The following OSBPL10 variants were observed in gnomAD, a reference collection of about 807,000 sequenced individuals.
OSBPL10 encodes the protein oxysterol-binding protein-related protein 10.
Under a neutral mutation model 81.7 loss-of-function variants are expected in OSBPL10, and 49 were observed. That is an observed-to-expected ratio of 0.60 (90% CI 0.48 to 0.76). The LOEUF is 0.76. Ranked by LOEUF, OSBPL10 falls within the 30% of genes least tolerant of loss-of-function variation. The probability of loss-of-function intolerance (pLI) is 0.00; values close to 1 mark genes in which losing one functional copy is unlikely to be tolerated. For synonymous variants in OSBPL10, 419 were observed against 383.6 expected, an observed-to-expected ratio of 1.09 and a Z score of -1.08; for missense variants, 923 against 987.8, an observed-to-expected ratio of 0.93 and a Z score of 0.88.
At chr3:31,787,244 TA>T (rs1277712812) in intron 4 of OSBPL10, among the ~76,000 whole-genome samples, 2 of 151,998 alleles carry the variant, frequency 1.3e-5, no homozygotes, top group Admixed American at 6.6e-5. Flanking sequence ...GCTTCAGGGG[TA>T]TTTGTGGATT....
chr3:31,735,098 C>G (rs1184267490), intron 5 of OSBPL10, among the ~76,000 whole-genome samples: 2 of 151,838 alleles, frequency 1.3e-5, no homozygotes, highest in East Asian at 3.9e-4. Context: ...TGCAAAAATC[C>G]TTTTTTAATG....
chr3:32,001,236 C>T (rs1699141712), intron 2 of OSBPL10, among the ~76,000 whole-genome samples: 1 of 152,166 alleles, frequency 6.6e-6, no homozygotes, highest in Non-Finnish European at 1.5e-5. Context: ...ATTCATTCAG[C>T]CTGGATGTGT....
At chr3:31,905,181 A>G (rs11712058) in intron 1 of OSBPL10, among the ~76,000 whole-genome samples, 29,513 of 151,910 alleles carry the variant, frequency 0.19, 3,051 homozygotes, top group Non-Finnish European at 0.24. Context: ...TTGCCTACAT[A>G]GAAAGCTTAA....
At chr3:31,840,918 T>C (rs1340207954) in intron 3 of OSBPL10, among the ~76,000 whole-genome samples, 3 of 152,236 alleles carry the variant, frequency 2.0e-5, no homozygotes, top group Admixed American at 1.3e-4. Context: ...TGTTGTTTTG[T>C]TGTTTTTGAG....
At chr3:32,040,521 C>T (rs1699565464) in intron 2 of OSBPL10, among the ~76,000 whole-genome samples, 1 of 151,670 alleles carries the variant, frequency 6.6e-6, no homozygotes, top group Non-Finnish European at 1.5e-5. Flanking sequence ...TTCTTTGCAG[C>T]TGGCCTGGCA....
chr3:31,827,907 G>T (rs1169802115), intron 4 of OSBPL10, among the ~76,000 whole-genome samples: 1 of 152,042 alleles, frequency 6.6e-6, no homozygotes, highest in East Asian at 1.9e-4. Flanking sequence ...TTTAAATGAA[G>T]GTAGAAAACA....
At chr3:31,978,770 C>G (rs968512066) in intron 1 of OSBPL10, among the ~76,000 whole-genome samples, 1 of 152,162 alleles carries the variant, frequency 6.6e-6, no homozygotes, top group Admixed American at 6.5e-5. Context: ...TAAGCATGCT[C>G]AGGAGTGTAC....
intron 5 of OSBPL10, among the ~76,000 whole-genome samples, chr3:31,735,822 G>A (rs1293881467): frequency 1.3e-5 from 2 of 151,966 alleles, no homozygotes; most frequent in Non-Finnish European, 2.9e-5. Flanking sequence ...TGTCTTCCTG[G>A]GACTTAGCAC....
chr3:31,677,809 C>T (rs920754296), intron 8 of OSBPL10, among the ~76,000 whole-genome samples: 6 of 149,916 alleles, frequency 4.0e-5, no homozygotes, highest in African/African-American at 7.6e-5. Flanking sequence ...AGGCCGGGCG[C>T]GGTGGCTCAC....
intron 3 of OSBPL10, among the ~76,000 whole-genome samples, chr3:31,861,979 C>T (rs1430299880): frequency 2.0e-5 from 3 of 152,062 alleles, no homozygotes; most frequent in Admixed American, 1.3e-4. Context: ...TAAATATTTA[C>T]AGAGTGGCTC....
At chr3:31,898,566 A>G (rs1325138722) in intron 1 of OSBPL10, among the ~76,000 whole-genome samples, 1 of 145,672 alleles carries the variant, frequency 6.9e-6, no homozygotes, top group African/African-American at 2.6e-5. Context: ...GCAACATAGC[A>G]AGACCCTGTC....
At position 31,666,219 on chromosome 3, in the gene OSBPL10, T is replaced by C. The variant is rs534569782; in HGVS notation, c.2097-1987A>G. On this transcript the variant is annotated intron_variant, in intron 10 of 11. Transcript: ENST00000396556. ...TGGGTGCTGGCTCTGCCTTAAGTCA[T>C]TGGGCCCCTGAGGGCTCTGGCCAAG... Among the ~76,000 whole-genome samples the C allele has an allele frequency of 5.5e-4, 84 of 152,274 alleles. 1 individual carries two copies. Among genetic ancestry groups the C allele is most frequent in the African/African-American group, 1.9e-3 (81 of 41,570 alleles).
intron 4 of OSBPL10, among the ~76,000 whole-genome samples, chr3:31,828,187 G>A (rs1700145046): frequency 1.3e-5 from 2 of 152,156 alleles, no homozygotes; most frequent in Non-Finnish European, 2.9e-5. Context: ...TGAAATGATG[G>A]TATCATAGTT....
intron 10 of OSBPL10, among the ~76,000 whole-genome samples, chr3:31,665,069 A>C (rs928335782): frequency 3.9e-5 from 6 of 152,176 alleles, no homozygotes; most frequent in African/African-American, 1.4e-4. Context: ...ACTTGGAAAA[A>C]AAAAGCACTT....
chr3:31,761,911 T>C (rs1402614091), intron 4 of OSBPL10, among the ~76,000 whole-genome samples: 2 of 149,948 alleles, frequency 1.3e-5, no homozygotes, highest in Non-Finnish European at 1.5e-5. Context: ...CACCAGCACA[T>C]GGGGGTGTGA....
chr3:31,862,106 C>G (rs2125598980), intron 3 of OSBPL10, among the ~76,000 whole-genome samples: 1 of 152,276 alleles, frequency 6.6e-6, no homozygotes, highest in East Asian at 1.9e-4. Context: ...ATAGCCCCTT[C>G]ATGCATTGCA....
intron 4 of OSBPL10, among the ~76,000 whole-genome samples, chr3:31,820,660 C>T (rs1699961586): frequency 6.6e-6 from 1 of 151,942 alleles, no homozygotes; most frequent in Non-Finnish European, 1.5e-5. Context: ...GTATAAAGTA[C>T]ACCAGGCACT....
chr3:31,692,940 G>C (rs1482720326), intron 7 of OSBPL10, among the ~76,000 whole-genome samples: 1 of 152,232 alleles, frequency 6.6e-6, no homozygotes, highest in Non-Finnish European at 1.5e-5. Context: ...GCTGCCAACA[G>C]GACAGAAAGG....
At chr3:31,892,058 G>A (rs1695907794) in intron 1 of OSBPL10, among the ~76,000 whole-genome samples, 1 of 152,076 alleles carries the variant, frequency 6.6e-6, no homozygotes, top group Non-Finnish European at 1.5e-5. Flanking sequence ...GTGATTGTGT[G>A]TTGTAATAGA....
Sources: allele counts gnomAD v4.1 joint callset (sites outside exome capture counted in the v4.1 genomes callset), GRCh38; gene constraint gnomAD v4.1.1; transcripts MANE v1.5; gene names NCBI Gene and HGNC (gene_info 2026-07-23, HGNC 2026-07-21).